HTRA1: variants seen among roughly 807,000 people sequenced by gnomAD.
HTRA1 encodes the protein serine protease HTRA1.
In HTRA1, 26 loss-of-function variants were observed where a neutral mutation model predicts 49.7. That is an observed-to-expected ratio of 0.52 (90% CI 0.38 to 0.73). The LOEUF (loss-of-function observed/expected upper bound fraction) is 0.73, where lower values mean the gene tolerates loss of function less well. Among genes scored for constraint, HTRA1 ranks in the 30% least tolerant of loss-of-function variants. The pLI is 0.00. For missense variants in HTRA1, 561 were observed against 667.2 expected, an observed-to-expected ratio of 0.84 and a Z score of 1.75; for synonymous variants, 291 against 286.9, an observed-to-expected ratio of 1.01 and a Z score of -0.14.
At chr10:122,501,076 T>C (rs1591037668) in intron 3 of HTRA1, among the ~76,000 whole-genome samples, 2 of 151,600 alleles carry the variant, frequency 1.3e-5, no homozygotes, top group East Asian at 1.9e-4. Flanking sequence ...TCAGGGAGGG[T>C]CCCAGTCCCG....
intron 3 of HTRA1, among the ~76,000 whole-genome samples, chr10:122,497,061 A>G (rs1034820573): frequency 3.7e-4 from 57 of 152,316 alleles, no homozygotes; most frequent in African/African-American, 1.3e-3. Context: ...TCCTAAAGCC[A>G]TCCAGATCTC....
intron 1 of HTRA1, among the ~76,000 whole-genome samples, chr10:122,483,859 T>G (rs1156913593): frequency 6.6e-6 from 1 of 152,246 alleles, no homozygotes; most frequent in African/African-American, 2.4e-5. Context: ...ATTTTAAAAA[T>G]TTTGATTCCA....
intron 1 of HTRA1, among the ~76,000 whole-genome samples, chr10:122,472,203 TTCTC>T (rs2133911299): frequency 6.6e-6 from 1 of 152,110 alleles, no homozygotes; most frequent in African/African-American, 2.4e-5. Context: ...TTTGTATCTT[TTCTC>T]TCTACTTTTT....
At chr10:122,513,270 C>T (rs1271194919) in intron 8 of HTRA1, among the ~76,000 whole-genome samples, 2 of 152,100 alleles carry the variant, frequency 1.3e-5, no homozygotes, top group Admixed American at 6.5e-5. Context: ...AGAAACATTC[C>T]GCCCACCCCT....
rs1409663105 is a variant in HTRA1 at position 122,514,571 on chromosome 10, C to T, written c.*212C>T. On this transcript the variant is annotated 3_prime_UTR_variant, in exon 9 of 9. Transcript: ENST00000368984. ...ATCCGCAGGCAGAAGCTCTGCCCTTCTGTATCCTATGTATGCAGTGTGCTT... is the reference window on the plus strand; with the variant it reads ...ATCCGCAGGCAGAAGCTCTGCCCTTTTGTATCCTATGTATGCAGTGTGCTT... 1.0e-5 allele frequency: 6 copies of T among 593,876 alleles called. No homozygotes were observed. The East Asian group carries it at 1.8e-4, about 18-fold the overall frequency. 36.8% of individuals were successfully genotyped at this position (593,876 alleles called of 1,614,324 possible).
intron 3 of HTRA1, among the ~76,000 whole-genome samples, chr10:122,491,489 A>G (rs757161007): frequency 6.6e-6 from 1 of 152,242 alleles, no homozygotes; most frequent in Non-Finnish European, 1.5e-5. Flanking sequence ...GGCAGCCAGC[A>G]GCAGGGCATG....
chr10:122,514,598 T>C lies in HTRA1; in HGVS notation c.*239T>C. The C allele has an allele frequency of 1.9e-6, 1 of 524,872 alleles. No individual in the cohort carries two copies. Among genetic ancestry groups the C allele is most frequent in the Non-Finnish European group, 3.5e-6 (1 of 289,166 alleles). 32.5% of individuals were successfully genotyped at this position (524,872 alleles called of 1,614,324 possible). A position where few individuals can be genotyped will look rare whatever the true frequency, so the allele number is the denominator to read the frequency against. On this transcript the variant is annotated 3_prime_UTR_variant, in exon 9 of 9. Coordinates refer to ENST00000368984, the MANE Select transcript of HTRA1 (RefSeq NM_002775.5). ...GTATCCTATGTATGCAGTGTGCTTT[T>C]TCTTGCCAGCTTGGGCCATTCTTGC...
intron 7 of HTRA1, 32 bp downstream of exon 7, chr10:122,510,185 A>C: frequency 1.3e-6 from 2 of 1,589,252 alleles, no homozygotes; most frequent in Non-Finnish European, 1.7e-6. Flanking sequence ...CTGTGTCTTA[A>C]ATTTTAATAA....
chr10:122,478,863 G>T (rs1400566047), intron 1 of HTRA1, among the ~76,000 whole-genome samples: 2 of 152,198 alleles, frequency 1.3e-5, no homozygotes, highest in Non-Finnish European at 2.9e-5. Context: ...GTTCAGAAGG[G>T]TGCTGTGCCT....
chr10:122,479,243 C>T lies in HTRA1; in HGVS notation c.473-9659C>T, dbSNP rs567893775. On this transcript the variant is annotated intron_variant, in intron 1 of 8. Coordinates refer to ENST00000368984, the MANE Select transcript of HTRA1 (RefSeq NM_002775.5). ...GATCTCACCGAGTGTGAAGCATGTTCCCACAATGGTGTGGGCTGCGGGGGG... is the reference window on the plus strand; with the variant it reads ...GATCTCACCGAGTGTGAAGCATGTTTCCACAATGGTGTGGGCTGCGGGGGG... Among the ~76,000 whole-genome samples, 17 of 152,272 alleles carry T rather than the reference C, an allele frequency of 1.1e-4. No homozygotes were observed. The South Asian group carries it at 2.7e-3, about 24-fold the overall frequency.
At chr10:122,469,528 C>T (rs2097485226) in intron 1 of HTRA1, among the ~76,000 whole-genome samples, 1 of 152,170 alleles carries the variant, frequency 6.6e-6, no homozygotes, top group African/African-American at 2.4e-5. Flanking sequence ...ATTGTATTCT[C>T]CAGGACAGTT....
rs2097481577 is a variant in HTRA1, at chr10:122,461,928, C to T, written c.276C>T (p.Pro92=). ...GCGAGGGGCTGCAGTGCGTGGTGCC[C>T]TTCGGGGTGCCAGCCTCGGCCACGG... ...PCGEGLQCVV[P]FGVPASATVR... is the part of the protein sequence containing the mutation. The change falls in exon 1 of 9, where the codon CCC becomes CCT. Residue 92 remains proline, a synonymous_variant. Transcript: ENST00000368984. The T allele has an allele frequency of 6.8e-7, 1 of 1,480,606 alleles. No homozygotes were observed. The highest frequency in any genetic ancestry group is 8.9e-7 in the Non-Finnish European group (1 of 1,122,284). The allele number at this position is 1,480,606 out of a possible 1,614,324, so 91.7% of individuals were successfully genotyped here.
chr10:122,488,814 T>C, intron 1 of HTRA1, 88 bp from the exon 2 acceptor site: 1 of 1,011,624 alleles, frequency 9.9e-7, no homozygotes, highest in Non-Finnish European at 1.6e-6. Context: ...AGGCTGGGCA[T>C]GCATCTTGGC....
chr10:122,500,055 T>C (rs1418647770), intron 3 of HTRA1, among the ~76,000 whole-genome samples: 1 of 152,188 alleles, frequency 6.6e-6, no homozygotes, highest in Middle Eastern at 3.2e-3. Context: ...GTTTTGATGT[T>C]ATTGGTTTTT....
intron 3 of HTRA1, among the ~76,000 whole-genome samples, chr10:122,504,912 C>T (rs1237660547): frequency 6.6e-6 from 1 of 152,238 alleles, no homozygotes; most frequent in Non-Finnish European, 1.5e-5. Flanking sequence ...CTCAGGCAGC[C>T]ACACAGGGAA....
intron 1 of HTRA1, among the ~76,000 whole-genome samples, chr10:122,475,196 T>C (rs1364764425): frequency 6.6e-6 from 1 of 152,236 alleles, no homozygotes; most frequent in African/African-American, 2.4e-5. Context: ...TCTGCTGCAG[T>C]CTTGGCCCAG....
At chr10:122,482,946 A>T (rs553747476) in intron 1 of HTRA1, among the ~76,000 whole-genome samples, 2 of 148,396 alleles carry the variant, frequency 1.3e-5, no homozygotes, top group Non-Finnish European at 3.0e-5. Context: ...AAAAAAGCAC[A>T]TATTCATTTT....
intron 3 of HTRA1, among the ~76,000 whole-genome samples, chr10:122,492,221 C>T (rs936683444): frequency 3.9e-5 from 6 of 152,192 alleles, no homozygotes; most frequent in African/African-American, 7.2e-5. Flanking sequence ...CTGCCTGCCG[C>T]GTCCGTGGGC....
Position 122,514,331 on chromosome 10 carries a change from C to T in HTRA1, c.1415C>T (p.Thr472Ile), listed in dbSNP as rs1187153113. The T allele has an allele frequency of 6.2e-7, 1 of 1,614,132 alleles. No homozygotes were observed. Among genetic ancestry groups the T allele is most frequent in the East Asian group, 2.2e-5 (1 of 44,884 alleles). ...VRRGNEDIMI[T>I]VIPEEIDP ...AGGGGTAATGAAGATATCATGATCACAGTGATTCCCGAAGAAATTGACCCA... is the reference window on the plus strand; with the variant it reads ...AGGGGTAATGAAGATATCATGATCATAGTGATTCCCGAAGAAATTGACCCA... Residue 472 changes from threonine to isoleucine, a missense_variant, in exon 9 of 9, where the codon ACA becomes ATA. Coordinates refer to ENST00000368984, the MANE Select transcript of HTRA1 (RefSeq NM_002775.5).
Sources: gnomAD v4.1 joint callset for allele counts (sites outside exome capture counted in the v4.1 genomes callset) on GRCh38, gnomAD v4.1.1 for gene constraint, MANE v1.5 for transcripts, NCBI Gene and HGNC (gene_info 2026-07-23, HGNC 2026-07-21) for gene names.